COG6: variants seen among roughly 807,000 people sequenced by gnomAD.
The protein encoded by COG6 is conserved oligomeric Golgi complex subunit 6.
Under a neutral mutation model 88.8 loss-of-function variants are expected in COG6, and 74 were observed. The ratio of observed to expected loss-of-function variants is 0.83; its 90% CI spans 0.69 to 1.01. COG6 has a LOEUF of 1.01. COG6 is among the 50% of genes least tolerant of loss of function. The pLI is 0.00. For missense variants in COG6, 800 were observed against 797.9 expected (o/e 1.00, Z -0.03); for synonymous variants, 286 against 278.7 (o/e 1.03, Z -0.26).
At chr13:39,715,228 T>C (rs1878464246) in intron 13 of COG6, among the ~76,000 whole-genome samples, 1 of 150,768 alleles carries the variant, frequency 6.6e-6, no homozygotes, top group East Asian at 2.0e-4. Context: ...TTTTAAAGAT[T>C]TATTGCTTCC....
intron 13 of COG6, among the ~76,000 whole-genome samples, chr13:39,718,694 T>A (rs1878672054): frequency 6.6e-6 from 1 of 152,100 alleles, no homozygotes; most frequent in Non-Finnish European, 1.5e-5. Flanking sequence ...AATGGTAATG[T>A]TATACTGTTT....
In COG6 at chr13:39,751,390, G is replaced by A; in HGVS notation, c.*297G>A. On this transcript the variant is annotated 3_prime_UTR_variant, in exon 19 of 19. Coordinates refer to ENST00000455146, the MANE Select transcript of COG6 (RefSeq NM_020751.3). ...CAGGAAGCATAAAGTAGTATGAAAGGTTTGAAGAATTTTTTTTTACAAGAC... is the reference window on the plus strand; with the variant it reads ...CAGGAAGCATAAAGTAGTATGAAAGATTTGAAGAATTTTTTTTTACAAGAC... 1 of 1,353,206 alleles carries A rather than the reference G, an allele frequency of 7.4e-7. No individual in the cohort carries two copies. Among genetic ancestry groups the A allele is most frequent in the Non-Finnish European group, 9.7e-7 (1 of 1,035,592 alleles). The allele number at this position is 1,353,206 out of a possible 1,614,324, so 83.8% of individuals were successfully genotyped here.
At chr13:39,718,709 G>A (rs1878672571) in intron 13 of COG6, among the ~76,000 whole-genome samples, 1 of 152,068 alleles carries the variant, frequency 6.6e-6, no homozygotes, top group African/African-American at 2.4e-5. Flanking sequence ...CTGTTTCTGT[G>A]AAGTGATTTT....
chr13:39,723,269 C>T (rs1878945838), intron 15 of COG6, 64 bp from the exon 16 acceptor site: 6 of 979,334 alleles, frequency 6.1e-6, no homozygotes, highest in Non-Finnish European at 9.8e-6. Flanking sequence ...CAATGCAAGG[C>T]ACTGCATCTA....
chr13:39,775,118 G>C (rs867248291), intron 18 of COG6, among the ~76,000 whole-genome samples: 4 of 152,172 alleles, frequency 2.6e-5, no homozygotes, highest in South Asian at 2.1e-4. Context: ...CAGGCATCAT[G>C]GGTGGGTGTG....
At position 39,751,236 on chromosome 13, in the gene COG6, T is replaced by C. The variant is rs1442906753; in HGVS notation, c.*143T>C. ...ATTGTAAGTCCCGATAATTTTTTTTTTTTTGGTCTCAGTAACAGGGAAGTA... is the reference window on the plus strand; with the variant it reads ...ATTGTAAGTCCCGATAATTTTTTTTCTTTTGGTCTCAGTAACAGGGAAGTA... On this transcript the variant is annotated 3_prime_UTR_variant, in exon 19 of 19. Transcript: ENST00000455146. 1 of 1,517,348 alleles carries C rather than the reference T, an allele frequency of 6.6e-7. No homozygotes were observed. Among genetic ancestry groups the C allele is most frequent in the Non-Finnish European group, 8.8e-7 (1 of 1,138,216 alleles). 94.0% of individuals were successfully genotyped at this position (1,517,348 alleles called of 1,614,324 possible).
At chr13:39,700,855 G>C (rs1041326265) in intron 13 of COG6, among the ~76,000 whole-genome samples, 2 of 151,912 alleles carry the variant, frequency 1.3e-5, no homozygotes, top group Non-Finnish European at 2.9e-5. Context: ...TTTCCATAGA[G>C]AGATGTAATG....
At chr13:39,682,780 G>T (rs952251854) in intron 8 of COG6, among the ~76,000 whole-genome samples, 1 of 151,596 alleles carries the variant, frequency 6.6e-6, no homozygotes, top group African/African-American at 2.4e-5. Context: ...AATGCATTTT[G>T]TATTTGTTGA....
At chr13:39,667,302 CCT>C (rs1875335363) in intron 4 of COG6, among the ~76,000 whole-genome samples, 1 of 152,084 alleles carries the variant, frequency 6.6e-6, no homozygotes, top group Non-Finnish European at 1.5e-5. Context: ...CATTTAATCC[CCT>C]TTTTGTTTAC....
intron 13 of COG6, among the ~76,000 whole-genome samples, chr13:39,702,007 G>C (rs1216306211): frequency 6.6e-6 from 1 of 151,940 alleles, no homozygotes; most frequent in South Asian, 2.1e-4. Flanking sequence ...AAAATTAGAA[G>C]TTTTTAGAAA....
At chr13:39,728,955 G>A (rs577421042) in intron 18 of COG6, among the ~76,000 whole-genome samples, 74 of 152,218 alleles carry the variant, frequency 4.9e-4, no homozygotes, top group African/African-American at 1.6e-3. Flanking sequence ...GAGCCACTGC[G>A]CCCGGCCAAT....
intron 13 of COG6, among the ~76,000 whole-genome samples, chr13:39,715,481 T>C (rs1469212270): frequency 6.6e-6 from 1 of 152,094 alleles, no homozygotes; most frequent in Non-Finnish European, 1.5e-5. Flanking sequence ...ACATAACGTG[T>C]TTGCTCTGGT....
downstream of COG6, among the ~76,000 whole-genome samples, chr13:39,756,353 A>G (rs566969611): frequency 1.2e-4 from 19 of 152,224 alleles, no homozygotes; most frequent in Middle Eastern, 3.4e-3. Context: ...GAGGAAAAGG[A>G]AGAAAAAAAA....
rs1880660319 is a variant in COG6 at position 39,751,974 on chromosome 13, C to T, written c.*881C>T. 8.2e-7 allele frequency: 1 copy of T among 1,225,292 alleles called. No individual in the cohort carries two copies. Among genetic ancestry groups the T allele is most frequent in the Non-Finnish European group, 1.1e-6 (1 of 932,758 alleles). 75.9% of individuals were successfully genotyped at this position (1,225,292 alleles called of 1,614,324 possible). A position where few individuals can be genotyped will look rare whatever the true frequency, so the allele number is the denominator to read the frequency against. On this transcript the variant is annotated 3_prime_UTR_variant, in exon 19 of 19. Transcript: ENST00000455146. The stretch of plus-strand genomic sequence containing the variant: ...TTCAAACCAAAGAAACAATGATCTA[C>T]TCAAACATTGGAGAAAAAAACTGCC...
chr13:39,778,306 G>T (rs9532431), intron 18 of COG6, among the ~76,000 whole-genome samples: 2 of 152,128 alleles, frequency 1.3e-5, no homozygotes, highest in Non-Finnish European at 2.9e-5. Flanking sequence ...GGTAGTGTCT[G>T]CCTAGAGCCT....
intron 18 of COG6, among the ~76,000 whole-genome samples, chr13:39,746,551 A>T (rs1880362787): frequency 6.6e-6 from 1 of 152,154 alleles, no homozygotes; most frequent in Admixed American, 6.5e-5. Flanking sequence ...GTCATTTTGG[A>T]TTTAGTCATA....
intron 15 of COG6, among the ~76,000 whole-genome samples, chr13:39,722,347 G>A (rs1878891608): frequency 6.6e-6 from 1 of 151,476 alleles, no homozygotes; most frequent in Non-Finnish European, 1.5e-5. Flanking sequence ...ATGTCTTTCA[G>A]TAGTGTTGCC....
chr13:39,731,734 A>G (rs1445359047), intron 18 of COG6, among the ~76,000 whole-genome samples: 1 of 152,168 alleles, frequency 6.6e-6, no homozygotes, highest in Non-Finnish European at 1.5e-5. Context: ...TTTGAGAGAA[A>G]TTGAACACTT....
intron 5 of COG6, among the ~76,000 whole-genome samples, chr13:39,677,810 C>T (rs900942801): frequency 3.9e-5 from 6 of 152,140 alleles, no homozygotes. Flanking sequence ...TTTTACTCTT[C>T]CTCACCTCTA....
Sources: gnomAD v4.1 joint callset for allele counts (sites outside exome capture counted in the v4.1 genomes callset) on GRCh38, gnomAD v4.1.1 for gene constraint, MANE v1.5 for transcripts, NCBI Gene and HGNC (gene_info 2026-07-23, HGNC 2026-07-21) for gene names.